TRAF5: variants seen among roughly 807,000 people sequenced by gnomAD.
TRAF5 encodes TNF receptor associated factor 5.
In TRAF5, 48 loss-of-function variants were observed where a neutral mutation model predicts 64.5. The observed-to-expected ratio is 0.74, with a 90% CI of 0.59 to 0.95. The LOEUF (loss-of-function observed/expected upper bound fraction) is 0.95. Among genes scored for constraint, TRAF5 ranks in the 40% least tolerant of loss-of-function variants. The pLI is 0.00. For synonymous variants in TRAF5, 206 were observed against 240.5 expected (o/e 0.86, Z 1.33); for missense variants, 545 against 662.8 (o/e 0.82, Z 1.95).
chr1:211,346,538 A>G (rs1558136407), intron 1 of TRAF5: 2 of 697,188 alleles, frequency 2.9e-6, no homozygotes, highest in South Asian at 6.4e-5. Flanking sequence ...CTGAAGACAA[A>G]TTTTGTGGAC....
At chr1:211,358,679 T>A (rs923271298) in intron 4 of TRAF5, 1 of 151,068 alleles carries the variant, frequency 6.6e-6, no homozygotes, top group African/African-American at 2.4e-5. Context: ...TCACTCCAGC[T>A]TGGGTGACAG....
chr1:211,357,587 T>TCCCCCC (rs1558142593), intron 4 of TRAF5: 1 of 151,520 alleles, frequency 6.6e-6, no homozygotes, highest in Non-Finnish European at 1.5e-5. Context: ...ATTCCTTGTT[T>TCCCCCC]CCCACCCACC....
At chr1:211,328,501 G>A (rs1572046402) in intron 1 of TRAF5, among the ~76,000 whole-genome samples, 1 of 152,286 alleles carries the variant, frequency 6.6e-6, no homozygotes, top group East Asian at 1.9e-4. Flanking sequence ...TAGGATGGTG[G>A]TATTTCCCTC....
In TRAF5 at chr1:211,374,764, A is replaced by G. The variant is rs1164772763; in HGVS notation, c.*2062A>G. ...CTTCTTTTAAGTAGTTGATGTGGAA[A>G]ACATTTTAAAGTGAATTTGTCAAAA... On this transcript the variant is annotated 3_prime_UTR_variant, in exon 11 of 11. Transcript: ENST00000261464. 1 of 152,196 alleles carries G rather than the reference A, an allele frequency of 6.6e-6. No homozygotes were observed. The highest frequency in any genetic ancestry group is 1.9e-4 in the East Asian group (1 of 5,204). 9.4% of individuals were successfully genotyped at this position (152,196 alleles called of 1,614,324 possible). A position where few individuals can be genotyped will look rare whatever the true frequency, so the allele number is the denominator to read the frequency against.
chr1:211,328,595 C>T (rs947378033), intron 1 of TRAF5, among the ~76,000 whole-genome samples: 1 of 151,872 alleles, frequency 6.6e-6, no homozygotes, highest in Non-Finnish European at 1.5e-5. Context: ...AACGTCCTGA[C>T]GATAGGGACT....
intron 7 of TRAF5, among the ~76,000 whole-genome samples, chr1:211,363,105 A>G (rs1703238735): frequency 6.6e-6 from 1 of 152,188 alleles, no homozygotes; most frequent in African/African-American, 2.4e-5. Flanking sequence ...ACATCTTATG[A>G]TATCTCACTT....
At chr1:211,336,338 A>G (rs904605510) in intron 1 of TRAF5, among the ~76,000 whole-genome samples, 2 of 152,176 alleles carry the variant, frequency 1.3e-5, no homozygotes, top group African/African-American at 4.8e-5. Context: ...CACCTCACCC[A>G]GAGGCTAGCT....
chr1:211,361,206 AATTCACTT>A, intron 7 of TRAF5, 44 bp downstream of exon 7: 1 of 1,564,942 alleles, frequency 6.4e-7, no homozygotes, highest in Non-Finnish European at 8.8e-7. Context: ...TCTACTGTAT[AATTCACTT>A]GGCAAGTTCA....
At chr1:211,341,494 A>C (rs1320554212) in intron 1 of TRAF5, among the ~76,000 whole-genome samples, 1 of 152,226 alleles carries the variant, frequency 6.6e-6, no homozygotes, top group African/African-American at 2.4e-5. Flanking sequence ...CCACATGCCC[A>C]GATGATTTGG....
In TRAF5 at chr1:211,356,487, C is replaced by A. The variant is rs754670904; in HGVS notation, c.378+19C>A. 1 of 1,607,500 alleles carries A rather than the reference C, an allele frequency of 6.2e-7. No individual in the cohort carries two copies. Among genetic ancestry groups the A allele is most frequent in the Non-Finnish European group, 8.5e-7 (1 of 1,174,406 alleles). On this transcript the variant is annotated intron_variant, in intron 4 of 10. Transcript: ENST00000261464. ...GTACCAGGTTGGTATTACTCATGAACGATATCTGCTTTTGCCATTTTTCCA... is the reference window on the plus strand; with the variant it reads ...GTACCAGGTTGGTATTACTCATGAAAGATATCTGCTTTTGCCATTTTTCCA...
In TRAF5 at chr1:211,360,851, G is replaced by A. The variant is rs991220961; in HGVS notation, c.621+72G>A. ...TTAGTAATCATTGTGGTCTGTGTTT[G>A]ATACAGTCCCAAAGATAAGGGCCCA... On this transcript the variant is annotated intron_variant, in intron 6 of 10. Coordinates refer to ENST00000261464, the MANE Select transcript of TRAF5 (RefSeq NM_001033910.3). 2.9e-6 allele frequency: 4 copies of A among 1,402,616 alleles called. No individual in the cohort carries two copies. In the East Asian group the frequency reaches 9.1e-5, roughly 32 times the overall value. The allele number at this position is 1,402,616 out of a possible 1,614,324, so 86.9% of individuals were successfully genotyped here.
chr1:211,354,468 G>A lies in TRAF5; in HGVS notation c.276+1G>A. 1 of 1,614,086 alleles carries A rather than the reference G, an allele frequency of 6.2e-7. No individual in the cohort carries two copies. Among genetic ancestry groups the A allele is most frequent in the Non-Finnish European group, 8.5e-7 (1 of 1,179,966 alleles). On this transcript the variant is annotated splice_donor_variant, in intron 3 of 10. Transcript: ENST00000261464. LOFTEE classifies it high-confidence loss of function. The stretch of plus-strand genomic sequence containing the variant: ...TAAAGAGGTCATCAAATCTCAGGAG[G>A]TAAGAAAGTCACTGCTTTTGTCTAG...
chr1:211,371,491 C>A lies in TRAF5; in HGVS notation c.1099+21C>A, dbSNP rs371741021. 82 of 1,597,078 alleles carry A rather than the reference C, an allele frequency of 5.1e-5. 2 individuals are homozygous for A. In the South Asian group the frequency reaches 8.7e-4, roughly 17 times the overall value. Reference sequence around the variant, plus strand: ...ATTAGGTATGTCTGATATTTTATTTCTCTTTTGGTGACTCATTTGTCTGCA... The same window carrying A: ...ATTAGGTATGTCTGATATTTTATTTATCTTTTGGTGACTCATTTGTCTGCA... On this transcript the variant is annotated intron_variant, in intron 10 of 10. Coordinates refer to ENST00000261464, the MANE Select transcript of TRAF5 (RefSeq NM_001033910.3).
intron 1 of TRAF5, among the ~76,000 whole-genome samples, chr1:211,327,124 C>T (rs370336332): frequency 5.9e-5 from 9 of 152,010 alleles, no homozygotes; most frequent in Admixed American, 3.3e-4. Flanking sequence ...GGCCCGGGGA[C>T]AGCGGGAGCG....
chr1:211,332,467 A>G (rs1481852320), intron 1 of TRAF5, among the ~76,000 whole-genome samples: 1 of 151,984 alleles, frequency 6.6e-6, no homozygotes, highest in African/African-American at 2.4e-5. Context: ...ACCCTGGAGG[A>G]TGGAGGGAGG....
At chr1:211,346,708 A>G (rs1352620515) in intron 1 of TRAF5, among the ~76,000 whole-genome samples, 4 of 152,230 alleles carry the variant, frequency 2.6e-5, no homozygotes, top group Admixed American at 2.0e-4. Context: ...CAAAATACAT[A>G]TCTTTTTTGT....
At chr1:211,365,503 A>T in intron 8 of TRAF5, 35 bp downstream of exon 8, 1 of 1,552,668 alleles carries the variant, frequency 6.4e-7, no homozygotes, top group Non-Finnish European at 8.8e-7. Context: ...AAAGTGAGGC[A>T]ACAGAATTGC....
chr1:211,330,823 G>A (rs1702138092), intron 1 of TRAF5, among the ~76,000 whole-genome samples: 1 of 152,146 alleles, frequency 6.6e-6, no homozygotes, highest in Admixed American at 6.5e-5. Context: ...TCCTGCAAGT[G>A]CAGGTATGGG....
In TRAF5 at chr1:211,363,910, C is replaced by CAA. The variant is rs35539677; in HGVS notation, c.697-1445_697-1444dup. Among the ~76,000 whole-genome samples the CAA allele has an allele frequency of 4.4e-3, 379 of 85,536 alleles. 6 individuals are homozygous for CAA. The highest frequency in any genetic ancestry group is 6.3e-3 in the Middle Eastern group (1 of 158). The allele number at this position is 85,536 out of a possible 152,430, so 56.1% of individuals were successfully genotyped here. Reference sequence around the variant, plus strand: ...TGGGCAACAGAGTGAGACCCTGTCTCAAAAAAAAAAAAAAAAAAAAAAGCA... The same window carrying CAA: ...TGGGCAACAGAGTGAGACCCTGTCTCAAAAAAAAAAAAAAAAAAAAAAAAGCA... On this transcript the variant is annotated intron_variant, in intron 7 of 10. Coordinates refer to ENST00000261464, the MANE Select transcript of TRAF5 (RefSeq NM_001033910.3).
Sources: gnomAD v4.1 joint callset for allele counts (sites outside exome capture counted in the v4.1 genomes callset) on GRCh38, gnomAD v4.1.1 for gene constraint, MANE v1.5 for transcripts, NCBI Gene and HGNC (gene_info 2026-07-23, HGNC 2026-07-21) for gene names.